Variants in LOC128462377 observed in about 807,000 individuals in gnomAD.
At chr16:89,380,614 T>C in the LOC128462377 span, among the ~76,000 whole-genome samples, 1 of 151,992 alleles carries the variant, frequency 6.6e-6, no homozygotes, top group African/African-American at 2.4e-5. Context: ...GCCAAACAGG[T>C]CTTTGTTAAA....
At chr16:89,368,714 C>G in the LOC128462377 span, among the ~76,000 whole-genome samples, 1 of 151,404 alleles carries the variant, frequency 6.6e-6, no homozygotes, top group African/African-American at 2.4e-5. Context: ...TCAAGACCAG[C>G]CTAGGCAACA....
the LOC128462377 span, among the ~76,000 whole-genome samples, chr16:89,394,199 T>C: frequency 1.7e-4 from 26 of 152,296 alleles, no homozygotes; most frequent in South Asian, 5.2e-3. Context: ...GCCTCTGACC[T>C]GCTTCCCTCC....
chr16:89,353,213 A>G, the LOC128462377 span, among the ~76,000 whole-genome samples: 4 of 151,916 alleles, frequency 2.6e-5, no homozygotes, highest in South Asian at 2.1e-4. Flanking sequence ...ATGGTGGCAG[A>G]CGCCTATAAT....
At chr16:89,337,429 CTTTTTT>C in the LOC128462377 span, among the ~76,000 whole-genome samples, 67 of 53,130 alleles carry the variant, frequency 1.3e-3, 1 homozygote, top group East Asian at 0.011. Context: ...CTAAGCAATT[CTTTTTT>C]TTTTTTTTTT....
At chr16:89,370,847 T>C in the LOC128462377 span, 3 of 152,416 alleles carry the variant, frequency 2.0e-5, no homozygotes, top group Non-Finnish European at 4.4e-5. Flanking sequence ...GAGTGCTCAG[T>C]ACAGCAGCCT....
At chr16:89,329,312 G>A in the LOC128462377 span, among the ~76,000 whole-genome samples, 1 of 152,190 alleles carries the variant, frequency 6.6e-6, no homozygotes, top group Non-Finnish European at 1.5e-5. Flanking sequence ...CATGTTCCCG[G>A]CCACTGGGCG....
At chr16:89,358,294 C>T in the LOC128462377 span, among the ~76,000 whole-genome samples, 1 of 152,244 alleles carries the variant, frequency 6.6e-6, no homozygotes, top group South Asian at 2.1e-4. Flanking sequence ...CGTGTTCCTT[C>T]CCTTCTGTTG....
chr16:89,409,826 C>A, the LOC128462377 span, among the ~76,000 whole-genome samples: 1 of 145,920 alleles, frequency 6.9e-6, no homozygotes, highest in Non-Finnish European at 1.5e-5. Context: ...CAATTTCAAT[C>A]TAAATTTATT....
At chr16:89,411,552 G>A in the LOC128462377 span, among the ~76,000 whole-genome samples, 3 of 152,112 alleles carry the variant, frequency 2.0e-5, no homozygotes, top group East Asian at 3.9e-4. Flanking sequence ...TAACCATGAC[G>A]ACAGGCACAC....
At chr16:89,379,487 A>G in the LOC128462377 span, among the ~76,000 whole-genome samples, 3 of 152,200 alleles carry the variant, frequency 2.0e-5, no homozygotes, top group South Asian at 6.2e-4. Context: ...CAGGAGTCCA[A>G]CTTGAACATT....
At chr16:89,380,384 T>C in the LOC128462377 span, among the ~76,000 whole-genome samples, 1 of 152,182 alleles carries the variant, frequency 6.6e-6, no homozygotes, top group Non-Finnish European at 1.5e-5. Flanking sequence ...AGTGCTGGGA[T>C]TACAGGTGTG....
chr16:89,348,057 C>T, the LOC128462377 span, among the ~76,000 whole-genome samples: 20 of 152,130 alleles, frequency 1.3e-4, no homozygotes, highest in African/African-American at 4.8e-4. Context: ...CCTCAGCCTC[C>T]AGGGTAACTG....
At chr16:89,389,652 G>C in the LOC128462377 span, among the ~76,000 whole-genome samples, 1 of 152,244 alleles carries the variant, frequency 6.6e-6, no homozygotes, top group South Asian at 2.1e-4. Flanking sequence ...TGTGAACTCA[G>C]AGAAACGGCA....
chr16:89,324,384 A>G, the LOC128462377 span: 24 of 656,734 alleles, frequency 3.7e-5, no homozygotes, highest in East Asian at 1.4e-3. Context: ...ACGTGGGCGC[A>G]AAGTTCTCAG....
At chr16:89,409,996 C>G in the LOC128462377 span, among the ~76,000 whole-genome samples, 4 of 152,086 alleles carry the variant, frequency 2.6e-5, no homozygotes, top group Non-Finnish European at 5.9e-5. Context: ...CCCGCCACCA[C>G]GCCCGGCTAA....
At chr16:89,334,457 T>G in the LOC128462377 span, among the ~76,000 whole-genome samples, 1 of 152,158 alleles carries the variant, frequency 6.6e-6, no homozygotes, top group Admixed American at 6.5e-5. Flanking sequence ...CTTCCTCCAC[T>G]GCTCTGCTTC....
the LOC128462377 span, among the ~76,000 whole-genome samples, chr16:89,318,244 G>T: frequency 6.6e-6 from 1 of 152,264 alleles, no homozygotes; most frequent in African/African-American, 2.4e-5. Flanking sequence ...TCGGAGCATG[G>T]GCCTCCTCCC....
chr16:89,381,469 A>G, the LOC128462377 span, among the ~76,000 whole-genome samples: 1 of 152,184 alleles, frequency 6.6e-6, no homozygotes. Context: ...AGCTTTTCAC[A>G]TTGTAACAGC....
chr16:89,318,000 C>G, the LOC128462377 span, among the ~76,000 whole-genome samples: 11 of 152,276 alleles, frequency 7.2e-5, no homozygotes, highest in East Asian at 2.1e-3. Context: ...AAGAACTTTC[C>G]GAAGCAGCCA....
Sources: allele counts gnomAD v4.1 joint callset (sites outside exome capture counted in the v4.1 genomes callset), GRCh38; gene constraint gnomAD v4.1.1; transcripts MANE v1.5.